SPAG16: variants seen among roughly 807,000 people sequenced by gnomAD.
SPAG16 encodes the protein sperm associated antigen 16.
A neutral mutation model predicts 80.4 loss-of-function variants in SPAG16; 86 were observed. The observed-to-expected ratio is 1.07, with a 90% confidence interval of 0.90 to 1.28. The LOEUF (loss-of-function observed/expected upper bound fraction) is 1.28, where lower values mean the gene tolerates loss of function less well. SPAG16 is among the 50% of genes most tolerant of loss of function. SPAG16 has a pLI of 0.00. For synonymous variants in SPAG16, 294 were observed against 265.9 expected (o/e 1.11, Z -1.03); for missense variants, 870 against 765.3 (o/e 1.14, Z -1.61).
intron 15 of SPAG16, among the ~76,000 whole-genome samples, chr2:214,265,183 G>T (rs1295808655): frequency 6.6e-6 from 1 of 152,016 alleles, no homozygotes; most frequent in Admixed American, 6.6e-5. Flanking sequence ...TTGCCAAACT[G>T]TTTGCCAAAG....
At chr2:213,757,095 C>G (rs773686860) in intron 10 of SPAG16, among the ~76,000 whole-genome samples, 9 of 151,990 alleles carry the variant, frequency 5.9e-5, no homozygotes, top group Non-Finnish European at 1.3e-4. Context: ...TAACATAAAT[C>G]TGAAACGGAA....
intron 10 of SPAG16, among the ~76,000 whole-genome samples, chr2:213,515,827 T>A (rs1449392214): frequency 6.6e-6 from 1 of 152,168 alleles, no homozygotes. Flanking sequence ...CTGTTCTTCA[T>A]TTCCTGACAA....
intron 10 of SPAG16, among the ~76,000 whole-genome samples, chr2:213,694,697 C>T (rs751397530): frequency 6.7e-6 from 1 of 149,244 alleles, no homozygotes; most frequent in Non-Finnish European, 1.5e-5. Flanking sequence ...ACTCATTGAC[C>T]CACCCTTCCT....
At chr2:214,210,868 T>G (rs1246682325) in intron 15 of SPAG16, among the ~76,000 whole-genome samples, 2 of 152,010 alleles carry the variant, frequency 1.3e-5, no homozygotes, top group African/African-American at 4.8e-5. Flanking sequence ...TATTTGTGTG[T>G]GTACTTATAT....
chr2:213,354,485 T>C (rs1465136229), intron 7 of SPAG16, among the ~76,000 whole-genome samples: 1 of 152,232 alleles, frequency 6.6e-6, no homozygotes, highest in Non-Finnish European at 1.5e-5. Context: ...GTGGTTGAAC[T>C]AATTTACACT....
intron 10 of SPAG16, among the ~76,000 whole-genome samples, chr2:213,728,876 C>CAAAAAAAAAAAAAAAAAAAAAAAAA (rs58070679): frequency 1.2e-4 from 7 of 58,460 alleles, no homozygotes; most frequent in Non-Finnish European, 1.7e-4. Context: ...GACTCCGTCT[C>CAAAAAAAAAAAAAAAAAAAAAAAAA]AAAAAAAAAA....
chr2:213,753,897 C>T (rs773560235), intron 10 of SPAG16, among the ~76,000 whole-genome samples: 4 of 152,136 alleles, frequency 2.6e-5, no homozygotes, highest in African/African-American at 9.7e-5. Flanking sequence ...AATGCTCTAC[C>T]TTCATAAGAA....
chr2:213,329,927 GC>G (rs766194802), intron 5 of SPAG16, among the ~76,000 whole-genome samples: 18 of 152,228 alleles, frequency 1.2e-4, no homozygotes, highest in Non-Finnish European at 2.4e-4. Flanking sequence ...CCAAGGTACA[GC>G]TCAGGCTGTT....
intron 15 of SPAG16, among the ~76,000 whole-genome samples, chr2:214,348,806 C>A (rs1698219548): frequency 1.3e-5 from 2 of 152,198 alleles, no homozygotes; most frequent in African/African-American, 4.8e-5. Context: ...TGCTGACCAA[C>A]AATATCATGA....
intron 15 of SPAG16, among the ~76,000 whole-genome samples, chr2:214,265,792 T>C (rs1691521814): frequency 6.6e-6 from 1 of 151,960 alleles, no homozygotes; most frequent in Admixed American, 6.6e-5. Flanking sequence ...TAATAATTTT[T>C]TATTGCTGTT....
chr2:213,328,650 G>A (rs1474583805), intron 5 of SPAG16, among the ~76,000 whole-genome samples: 1 of 152,064 alleles, frequency 6.6e-6, no homozygotes, highest in African/African-American at 2.4e-5. Flanking sequence ...CTGAGCCTTA[G>A]GAATGAGGAC....
At chr2:214,023,735 T>G (rs939335933) in intron 13 of SPAG16, among the ~76,000 whole-genome samples, 2 of 151,804 alleles carry the variant, frequency 1.3e-5, no homozygotes, top group Non-Finnish European at 3.0e-5. Flanking sequence ...ACTTTCCATA[T>G]AAAACCTTTG....
chr2:214,154,892 A>G (rs908686350), intron 15 of SPAG16, among the ~76,000 whole-genome samples: 1 of 152,192 alleles, frequency 6.6e-6, no homozygotes, highest in African/African-American at 2.4e-5. Context: ...ATGTATGTAC[A>G]TATATGAAAC....
intron 12 of SPAG16, among the ~76,000 whole-genome samples, chr2:214,002,152 G>A (rs539644578): frequency 9.2e-5 from 14 of 152,254 alleles, no homozygotes; most frequent in Middle Eastern, 3.4e-3. Context: ...GTCCCTCCAC[G>A]ACATGTGGGA....
intron 12 of SPAG16, among the ~76,000 whole-genome samples, chr2:213,970,797 A>G (rs2045004361): frequency 6.6e-6 from 1 of 152,084 alleles, no homozygotes; most frequent in Non-Finnish European, 1.5e-5. Flanking sequence ...GAGTGAATGC[A>G]AAATAAAAAT....
intron 10 of SPAG16, among the ~76,000 whole-genome samples, chr2:213,826,262 C>G (rs533494289): frequency 6.6e-6 from 1 of 151,088 alleles, no homozygotes; most frequent in South Asian, 2.1e-4. Context: ...CTTCTATGAT[C>G]TTTATTATTT....
chr2:213,708,689 C>T (rs995607071), intron 10 of SPAG16, among the ~76,000 whole-genome samples: 11 of 152,130 alleles, frequency 7.2e-5, no homozygotes, highest in East Asian at 1.9e-4. Context: ...TGGCACACAC[C>T]GCAGGAGAAT....
At chr2:214,067,583 G>T (rs1490267229) in intron 13 of SPAG16, among the ~76,000 whole-genome samples, 1 of 151,524 alleles carries the variant, frequency 6.6e-6, no homozygotes, top group Non-Finnish European at 1.5e-5. Context: ...CAAAATTTGG[G>T]CAAAGATAAG....
At chr2:213,975,838 G>GT (rs1264401094) in intron 12 of SPAG16, among the ~76,000 whole-genome samples, 5 of 151,526 alleles carry the variant, frequency 3.3e-5, no homozygotes, top group East Asian at 1.9e-4. Flanking sequence ...CAACAACCAT[G>GT]TTTTTTTTCA....
Sources: allele counts gnomAD v4.1 joint callset (sites outside exome capture counted in the v4.1 genomes callset), GRCh38; gene constraint gnomAD v4.1.1; transcripts MANE v1.5; gene names NCBI Gene and HGNC (gene_info 2026-07-23, HGNC 2026-07-21).